The following STK4 variants were observed in gnomAD, a reference collection of about 807,000 sequenced individuals.
The protein encoded by STK4 is serine/threonine-protein kinase 4.
A neutral mutation model predicts 64.9 loss-of-function variants in STK4; 30 were observed. The observed-to-expected ratio is 0.46, with a 90% CI of 0.35 to 0.63. The LOEUF (loss-of-function observed/expected upper bound fraction) is 0.63, where lower values mean the gene tolerates loss of function less well. Among genes scored for constraint, STK4 ranks in the 20% least tolerant of loss-of-function variants. The pLI is 0.01. For missense variants in STK4, 466 were observed against 598.5 expected (o/e 0.78, Z 2.31); for synonymous variants, 177 against 199.0 (o/e 0.89, Z 0.93).
intron 1 of STK4, among the ~76,000 whole-genome samples, chr20:44,971,082 T>TACACACACACACACAC (rs142027582): frequency 1.7e-4 from 23 of 136,516 alleles, no homozygotes; most frequent in African/African-American, 8.3e-5. Flanking sequence ...TTGTGTAGAC[T>TACACACACACACACAC]ACACACACAC....
rs71197598 is a variant in STK4 at position 45,061,872 on chromosome 20, C to CTT, written c.1306-13126_1306-13125dup. 4.7e-3 allele frequency among the ~76,000 whole-genome samples: 544 copies of CTT among 115,030 alleles called. 10 individuals are homozygous for CTT. The highest frequency in any genetic ancestry group is 0.012 in the African/African-American group (373 of 30,376). The allele number at this position is 115,030 out of a possible 152,430, so 75.5% of individuals were successfully genotyped here. On this transcript the variant is annotated intron_variant, in intron 10 of 10. Transcript: ENST00000372806. ...TTTCTTTTCTTTTCTTCTTCTTCTT[C>CTT]TTTTTTTTTTTTTTTTTTTTTGAGA...
intron 10 of STK4, among the ~76,000 whole-genome samples, chr20:45,039,241 G>A (rs371815354): frequency 9.9e-5 from 15 of 151,970 alleles, no homozygotes; most frequent in African/African-American, 1.9e-4. Context: ...GTAACATCAC[G>A]CATTGGGCAT....
intron 4 of STK4, among the ~76,000 whole-genome samples, chr20:44,984,938 G>A (rs757595680): frequency 3.3e-5 from 5 of 151,790 alleles, no homozygotes; most frequent in Non-Finnish European, 7.4e-5. Context: ...CAGCCACTGC[G>A]TCTGCTTGTT....
intron 9 of STK4, among the ~76,000 whole-genome samples, chr20:45,016,752 G>T (rs971720526): frequency 1.3e-5 from 2 of 152,124 alleles, no homozygotes; most frequent in African/African-American, 4.8e-5. Context: ...TAGTTATATT[G>T]GTAAAAGGAG....
chr20:45,064,272 C>T (rs1003887887), intron 10 of STK4, among the ~76,000 whole-genome samples: 1 of 152,108 alleles, frequency 6.6e-6, no homozygotes, highest in Non-Finnish European at 1.5e-5. Flanking sequence ...TGTTCTGTCC[C>T]ACTGATCTGT....
intron 10 of STK4, among the ~76,000 whole-genome samples, chr20:45,066,932 T>A (rs749695892): frequency 1.3e-5 from 2 of 152,190 alleles, no homozygotes; most frequent in East Asian, 1.9e-4. Context: ...GATTGTCATC[T>A]TCTTTGATTT....
intron 10 of STK4, among the ~76,000 whole-genome samples, chr20:45,066,451 C>T (rs1265693525): frequency 6.6e-6 from 1 of 152,236 alleles, no homozygotes; most frequent in Non-Finnish European, 1.5e-5. Flanking sequence ...TGAGTCTCCT[C>T]TCTAGGCTCT....
chr20:44,970,886 CATTT>C (rs1384896614), intron 1 of STK4, among the ~76,000 whole-genome samples: 1 of 139,058 alleles, frequency 7.2e-6, no homozygotes, highest in African/African-American at 2.8e-5. Context: ...GGAAGGTACA[CATTT>C]GTGTGTGTGT....
In STK4 at chr20:44,995,003, T is replaced by C. The variant is rs748985246; in HGVS notation, c.526-87T>C. 1.3e-4 allele frequency: 150 copies of C among 1,176,114 alleles called. 1 individual carries two copies. The highest frequency in any genetic ancestry group is 2.5e-4 in the Middle Eastern group (1 of 4,052). The allele number at this position is 1,176,114 out of a possible 1,614,324, so 72.9% of individuals were successfully genotyped here. A position where few individuals can be genotyped will look rare whatever the true frequency, so the allele number is the denominator to read the frequency against. ...TCTTTTTCTCAGTAGTTTTTTTTTTTTTCTTCTTTTTTTCTCTGTAGACTT... is the reference window on the plus strand; with the variant it reads ...TCTTTTTCTCAGTAGTTTTTTTTTTCTTCTTCTTTTTTTCTCTGTAGACTT... On this transcript the variant is annotated intron_variant, in intron 5 of 10. Coordinates refer to ENST00000372806, the MANE Select transcript of STK4 (RefSeq NM_006282.5).
chr20:45,020,439 CGTGT>C (rs60999826), intron 9 of STK4, among the ~76,000 whole-genome samples: 1,921 of 145,228 alleles, frequency 0.013, 14 homozygotes, highest in Non-Finnish European at 0.02. Context: ...TATGTTTATG[CGTGT>C]GTGTGTGTGT....
intron 7 of STK4, among the ~76,000 whole-genome samples, chr20:44,998,174 G>C (rs2067769677): frequency 6.6e-6 from 1 of 152,176 alleles, no homozygotes; most frequent in Non-Finnish European, 1.5e-5. Flanking sequence ...GTAGCTTCTA[G>C]GCCTGGTCCT....
chr20:45,041,251 A>G (rs571714567), intron 10 of STK4, among the ~76,000 whole-genome samples: 22 of 151,848 alleles, frequency 1.4e-4, no homozygotes, highest in African/African-American at 5.1e-4. Flanking sequence ...TTCTATTCCT[A>G]TCTCCTCTGT....
chr20:44,990,990 A>G (rs574867375), intron 5 of STK4, among the ~76,000 whole-genome samples: 5 of 152,142 alleles, frequency 3.3e-5, no homozygotes, highest in Non-Finnish European at 7.3e-5. Context: ...GTTAGTTACT[A>G]TTGGGCCATC....
At chr20:45,074,517 T>C (rs1980351557) in intron 10 of STK4, among the ~76,000 whole-genome samples, 1 of 151,176 alleles carries the variant, frequency 6.6e-6, no homozygotes, top group African/African-American at 2.4e-5. Context: ...ACATTGGGGG[T>C]GTGGGAAGGC....
intron 10 of STK4, among the ~76,000 whole-genome samples, chr20:45,038,280 AT>A (rs1350364221): frequency 6.6e-6 from 1 of 151,872 alleles, no homozygotes; most frequent in Non-Finnish European, 1.5e-5. Flanking sequence ...TCATTTCTAA[AT>A]ATTTCATGTG....
chr20:45,027,023 G>A (rs527503550), intron 10 of STK4, among the ~76,000 whole-genome samples: 1 of 152,218 alleles, frequency 6.6e-6, no homozygotes, highest in African/African-American at 2.4e-5. Flanking sequence ...TTCAGGCAAA[G>A]ATGTTTAACT....
At chr20:45,054,487 C>T (rs192316391) in intron 10 of STK4, among the ~76,000 whole-genome samples, 3 of 150,850 alleles carry the variant, frequency 2.0e-5, no homozygotes, top group East Asian at 2.0e-4. Context: ...CACTTGAACC[C>T]GGAGTTTGAG....
At chr20:45,033,280 G>C (rs2068474633) in intron 10 of STK4, among the ~76,000 whole-genome samples, 1 of 152,100 alleles carries the variant, frequency 6.6e-6, no homozygotes, top group Non-Finnish European at 1.5e-5. Flanking sequence ...AGTTTAATTA[G>C]AACCTATTTG....
At chr20:45,011,725 ATATATT>A (rs1416837349) in intron 9 of STK4, among the ~76,000 whole-genome samples, 1 of 106,998 alleles carries the variant, frequency 9.3e-6, no homozygotes, top group Admixed American at 8.7e-5. Flanking sequence ...ATATATATAT[ATATATT>A]TTTTTTTTTT....
Sources: gnomAD v4.1 joint callset for allele counts (sites outside exome capture counted in the v4.1 genomes callset) on GRCh38, gnomAD v4.1.1 for gene constraint, MANE v1.5 for transcripts, NCBI Gene and HGNC (gene_info 2026-07-23, HGNC 2026-07-21) for gene names.